CERK: variants seen among roughly 807,000 people sequenced by gnomAD.
CERK encodes the protein acylsphingosine kinase.
CERK carries 39 observed loss-of-function variants against 63.4 expected under a neutral mutation model. The ratio of observed to expected loss-of-function variants is 0.61; its 90% CI spans 0.48 to 0.80. The LOEUF is 0.80. Among genes scored for constraint, CERK ranks in the 30% least tolerant of loss-of-function variants. CERK has a pLI of 0.00. For synonymous variants in CERK, 302 were observed against 280.0 expected, an observed-to-expected ratio of 1.08 and a Z score of -0.78; for missense variants, 670 against 714.1, an observed-to-expected ratio of 0.94 and a Z score of 0.70.
intron 4 of CERK, among the ~76,000 whole-genome samples, chr22:46,711,380 G>C (rs1326813727): frequency 6.6e-6 from 1 of 152,124 alleles, no homozygotes; most frequent in Non-Finnish European, 1.5e-5. Flanking sequence ...GACATGCAGC[G>C]TTCCTGGTAT....
At chr22:46,727,385 T>A (rs1008821147) in intron 1 of CERK, among the ~76,000 whole-genome samples, 6 of 150,488 alleles carry the variant, frequency 4.0e-5, no homozygotes, top group African/African-American at 1.5e-4. Flanking sequence ...GCTCATGCAA[T>A]CCTCCCACCT....
In CERK at chr22:46,714,160, G is replaced by T. The variant is rs2082856522; in HGVS notation, c.380-1867C>A. Among the ~76,000 whole-genome samples, 1 of 152,166 alleles carries T rather than the reference G, an allele frequency of 6.6e-6. No homozygotes were observed. The highest frequency in any genetic ancestry group is 2.4e-5 in the African/African-American group (1 of 41,428). ...GTGGCAAGCACCTGTAATTCCAGCT[G>T]CTCAGGAGGCTGAGGCAGGAGAATC... On this transcript the variant is annotated intron_variant, in intron 3 of 12. Coordinates refer to ENST00000216264, the MANE Select transcript of CERK (RefSeq NM_022766.6). This position sits in a 1 kb window ranked among gnomAD's most constrained non-coding sequence, Gnocchi z 4.4.
intron 6 of CERK, 96 bp from the exon 7 acceptor site, chr22:46,701,806 A>G (rs753361262): frequency 1.2e-6 from 1 of 846,810 alleles, no homozygotes; most frequent in South Asian, 1.6e-5. Context: ...CTTTCCTTCC[A>G]TGGCCCTAGA....
chr22:46,719,670 T>C (rs1165312561), intron 3 of CERK, among the ~76,000 whole-genome samples: 3 of 152,100 alleles, frequency 2.0e-5, no homozygotes, highest in African/African-American at 7.2e-5. Flanking sequence ...AGACTCCATC[T>C]TGAAAAAGAA....
chr22:46,717,879 G>A (rs9627538), intron 3 of CERK, among the ~76,000 whole-genome samples: 4,708 of 151,814 alleles, frequency 0.031, 250 homozygotes, highest in African/African-American at 0.11. Context: ...TCAGGAGTTC[G>A]AGACCAGTCT....
chr22:46,732,172 G>A (rs1352432576), intron 1 of CERK, among the ~76,000 whole-genome samples: 2 of 152,178 alleles, frequency 1.3e-5, no homozygotes, highest in South Asian at 4.1e-4. Context: ...CCCAGCAGGC[G>A]GTGAGGGTGG....
chr22:46,711,834 C>A (rs944762649), intron 4 of CERK, among the ~76,000 whole-genome samples: 2 of 152,202 alleles, frequency 1.3e-5, no homozygotes, highest in Admixed American at 1.3e-4. Flanking sequence ...TGCCTATAAT[C>A]CCAGCACTTT....
intron 8 of CERK, 125 bp from the exon 9 acceptor site, chr22:46,695,440 AGGCCG>A: frequency 1.4e-6 from 1 of 699,954 alleles, no homozygotes; most frequent in Non-Finnish European, 2.6e-6. Context: ...CAGGAGGGAG[AGGCCG>A]GGCCTGCTTC....
At chr22:46,725,020 C>G (rs1313666785) in intron 1 of CERK, among the ~76,000 whole-genome samples, 1 of 151,290 alleles carries the variant, frequency 6.6e-6, no homozygotes, top group African/African-American at 2.4e-5. Context: ...AAAACTCCAT[C>G]TCAAAAAAAA....
chr22:46,693,377 G>T (rs36211082), intron 10 of CERK, 50 bp downstream of exon 10: 4 of 1,498,460 alleles, frequency 2.7e-6, no homozygotes, highest in African/African-American at 2.8e-5. Context: ...ACAGAAACCC[G>T]CACTCCAGCA....
intron 3 of CERK, among the ~76,000 whole-genome samples, chr22:46,715,529 G>A (rs919090735): frequency 1.3e-5 from 2 of 152,086 alleles, no homozygotes; most frequent in Admixed American, 6.6e-5. Context: ...TATAGTTAAT[G>A]AAAATACTAG....
intron 7 of CERK, 91 bp downstream of exon 7, chr22:46,701,545 C>A: frequency 8.9e-7 from 1 of 1,119,300 alleles, no homozygotes. Flanking sequence ...ACGGCAACGG[C>A]TGGAACACGC....
intron 3 of CERK, among the ~76,000 whole-genome samples, chr22:46,715,426 C>A (rs930280693): frequency 3.3e-5 from 5 of 152,172 alleles, no homozygotes; most frequent in African/African-American, 4.8e-5. Context: ...ACAATTCTAT[C>A]ACATTTCTAT....
intron 8 of CERK, among the ~76,000 whole-genome samples, chr22:46,698,442 G>A (rs1301927040): frequency 1.3e-5 from 2 of 152,214 alleles, no homozygotes; most frequent in African/African-American, 2.4e-5. Context: ...GGCTAGCTAC[G>A]GTGTAACCCC....
intron 11 of CERK, 27 bp downstream of exon 11, chr22:46,691,545 G>A (rs779930847): frequency 1.3e-6 from 2 of 1,576,224 alleles, no homozygotes; most frequent in African/African-American, 2.7e-5. Flanking sequence ...CGCCAGTGGA[G>A]GCTCCATGCA....
intron 1 of CERK, among the ~76,000 whole-genome samples, chr22:46,731,277 T>G (rs1308167235): frequency 6.6e-6 from 1 of 152,234 alleles, no homozygotes; most frequent in Non-Finnish European, 1.5e-5. Context: ...GCCACTGAGC[T>G]GCAAGGTGCC....
chr22:46,691,233 C>G (rs965216468), intron 11 of CERK, among the ~76,000 whole-genome samples: 1 of 152,092 alleles, frequency 6.6e-6, no homozygotes, highest in Non-Finnish European at 1.5e-5. Flanking sequence ...CGCCACCACG[C>G]CTGGCTTTTT....
rs1433617130 is a variant in CERK at position 46,697,598 on chromosome 22, C to T, written c.943+1715G>A. On this transcript the variant is annotated intron_variant, in intron 8 of 12. Transcript: ENST00000216264. ...TCAGCTCACTGCAGCCTCTGCCTCC[C>T]GGGTTCAAGCAATTCTCCTGCCTCA... Among the ~76,000 whole-genome samples the T allele has an allele frequency of 3.9e-5, 6 of 152,150 alleles. No homozygotes were observed. The South Asian group carries it at 6.2e-4, about 16-fold the overall frequency.
Position 46,712,269 on chromosome 22 carries a change from A to G in CERK, c.404T>C (p.Val135Ala). 3 of 1,614,082 alleles carry G rather than the reference A, an allele frequency of 1.9e-6. No individual in the cohort carries two copies. The highest frequency in any genetic ancestry group is 2.5e-6 in the Non-Finnish European group (3 of 1,179,934). The change falls in exon 4 of 13, where the codon GTA (valine) becomes GCA (alanine). Residue 135 changes from valine (V) to alanine (A), a missense_variant. Transcript: ENST00000216264. ...TTTTCCTCCAAACGGGTTGATAAAT[A>G]CCAGTAAATGCTTTGGTCTGGACGC... ...KLTSRPKHLL[V>A]FINPFGGKGQ...
Sources: gnomAD v4.1 joint callset for allele counts (sites outside exome capture counted in the v4.1 genomes callset) on GRCh38, gnomAD v4.1.1 for gene constraint, Gnocchi (gnomAD v3.1) non-coding constraint, MANE v1.5 for transcripts, NCBI Gene and HGNC (gene_info 2026-07-23, HGNC 2026-07-21) for gene names.